Variants in PNLIPRP3 observed in about 807,000 individuals in gnomAD.
The protein encoded by PNLIPRP3 is pancreatic lipase related protein 3, also known as pancreatic lipase-related protein 3.
A neutral mutation model predicts 52.8 loss-of-function variants in PNLIPRP3; 58 were observed. That is an observed-to-expected ratio of 1.10 (90% CI 0.89 to 1.37). PNLIPRP3 has a LOEUF of 1.37. PNLIPRP3 is among the 40% of genes most tolerant of loss of function. The probability of loss-of-function intolerance (pLI) is 0.00; values close to 1 mark genes in which losing one functional copy is unlikely to be tolerated. For missense variants in PNLIPRP3, 593 were observed against 561.6 expected, an observed-to-expected ratio of 1.06 and a Z score of -0.57; for synonymous variants, 192 against 185.0, an observed-to-expected ratio of 1.04 and a Z score of -0.31.
intron 4 of PNLIPRP3, among the ~76,000 whole-genome samples, chr10:116,455,286 A>G (rs1846095504): frequency 6.6e-6 from 1 of 152,214 alleles, no homozygotes; most frequent in South Asian, 2.1e-4. Context: ...TTTAAAACCA[A>G]AGTTATCCCA....
intron 4 of PNLIPRP3, among the ~76,000 whole-genome samples, chr10:116,454,119 CT>C (rs529943963): frequency 6.0e-5 from 9 of 149,040 alleles, no homozygotes; most frequent in South Asian, 2.1e-4. Flanking sequence ...TGATCTCATT[CT>C]TTTTTTTTTG....
intron 9 of PNLIPRP3, among the ~76,000 whole-genome samples, chr10:116,469,870 T>A (rs1846339241): frequency 6.6e-6 from 1 of 152,114 alleles, no homozygotes; most frequent in South Asian, 2.1e-4. Flanking sequence ...ATTACCAGAT[T>A]ATTTTTATTT....
chr10:116,451,272 C>G (rs1846033689), intron 4 of PNLIPRP3, among the ~76,000 whole-genome samples: 1 of 152,038 alleles, frequency 6.6e-6, no homozygotes, highest in Non-Finnish European at 1.5e-5. Context: ...CACACACACA[C>G]AAATCAATTT....
In PNLIPRP3 at chr10:116,469,183, A is replaced by T. The variant is rs747576290; in HGVS notation, c.928-2A>T. On this transcript the variant is annotated splice_acceptor_variant, in intron 8 of 11. Transcript: ENST00000369230. LOFTEE classifies it high-confidence loss of function. The stretch of plus-strand genomic sequence containing the variant: ...TAATCACCTTTCATTTTCTGTCATC[A>T]GGGAAATTGCTTCTTTTGTTCCAAA... The T allele has an allele frequency of 3.8e-5, 61 of 1,609,954 alleles. 1 individual carries two copies. In the South Asian group the frequency reaches 6.4e-4, roughly 17 times the overall value.
intron 4 of PNLIPRP3, among the ~76,000 whole-genome samples, chr10:116,450,133 A>G (rs1453819833): frequency 6.6e-6 from 1 of 152,216 alleles, no homozygotes; most frequent in Non-Finnish European, 1.5e-5. Context: ...ATAAACACCT[A>G]AATTTAAAAA....
intron 4 of PNLIPRP3, among the ~76,000 whole-genome samples, chr10:116,445,785 C>T (rs766068125): frequency 6.6e-6 from 1 of 152,118 alleles, no homozygotes; most frequent in African/African-American, 2.4e-5. Flanking sequence ...GGCTCCAGGG[C>T]CTCTGGGGAT....
intron 3 of PNLIPRP3, among the ~76,000 whole-genome samples, 188 bp downstream of exon 3, chr10:116,443,362 C>T (rs1845885646): frequency 6.6e-6 from 1 of 152,056 alleles, no homozygotes; most frequent in South Asian, 2.1e-4. Flanking sequence ...GCACAGATTA[C>T]AAGGGAAGCA....
At chr10:116,433,114 CAAA>C (rs71010080) in intron 1 of PNLIPRP3, among the ~76,000 whole-genome samples, 6 of 8,496 alleles carry the variant, frequency 7.1e-4, no homozygotes, top group Admixed American at 3.2e-3. Flanking sequence ...AACTCCATCT[CAAA>C]AAAAAAAAAA....
chr10:116,438,640 G>T (rs1417534703), intron 2 of PNLIPRP3, among the ~76,000 whole-genome samples: 1 of 152,140 alleles, frequency 6.6e-6, no homozygotes, highest in Non-Finnish European at 1.5e-5. Context: ...CCTGAATTTT[G>T]TAATGGATAG....
At chr10:116,456,137 G>A (rs7090468) in intron 5 of PNLIPRP3, among the ~76,000 whole-genome samples, 139,820 of 152,160 alleles carry the variant, frequency 0.92, 64,954 homozygotes, top group Non-Finnish European at 1. Flanking sequence ...AATGCAAAGA[G>A]TGAGGTTTAC....
chr10:116,439,968 T>C (rs1845833668), intron 2 of PNLIPRP3: 1 of 839,514 alleles, frequency 1.2e-6, no homozygotes, highest in Non-Finnish European at 2.1e-6. Context: ...TCTTCTTATG[T>C]TCTTCTCTGC....
intron 4 of PNLIPRP3, 54 bp downstream of exon 4, chr10:116,444,567 A>C (rs1373170407): frequency 2.6e-6 from 4 of 1,528,808 alleles, no homozygotes; most frequent in Non-Finnish European, 3.6e-6. Context: ...GGATATTAAC[A>C]CTCAGAAGTT....
chr10:116,438,291 G>C (rs2133114420), intron 2 of PNLIPRP3, among the ~76,000 whole-genome samples: 1 of 152,256 alleles, frequency 6.6e-6, no homozygotes, highest in South Asian at 2.1e-4. Flanking sequence ...GGAGTGGTTG[G>C]AGGATCTATA....
chr10:116,440,284 A>G (rs2116287), intron 2 of PNLIPRP3, among the ~76,000 whole-genome samples: 127,285 of 152,016 alleles, frequency 0.84, 55,338 homozygotes, highest in South Asian at 0.97. Context: ...TCAGTAAAAC[A>G]GAAGGTGATA....
chr10:116,431,413 A>G (rs948935220), intron 1 of PNLIPRP3, among the ~76,000 whole-genome samples: 65 of 152,050 alleles, frequency 4.3e-4, no homozygotes, highest in African/African-American at 1.5e-3. Context: ...ACCTACCCCT[A>G]TTCAAACTCC....
intron 2 of PNLIPRP3, among the ~76,000 whole-genome samples, chr10:116,441,022 C>G (rs776324052): frequency 6.6e-6 from 1 of 152,140 alleles, no homozygotes; most frequent in Non-Finnish European, 1.5e-5. Flanking sequence ...CTCTCGATAA[C>G]CTATTCTGTA....
At chr10:116,448,570 G>A (rs1364359568) in intron 4 of PNLIPRP3, among the ~76,000 whole-genome samples, 7 of 152,202 alleles carry the variant, frequency 4.6e-5, no homozygotes, top group African/African-American at 1.4e-4. Context: ...ATAGTGGTCC[G>A]ATGTGGTGGC....
intron 9 of PNLIPRP3, among the ~76,000 whole-genome samples, chr10:116,470,447 G>A (rs1208748981): frequency 6.6e-6 from 1 of 151,874 alleles, no homozygotes; most frequent in Non-Finnish European, 1.5e-5. Flanking sequence ...CGTTAAAAGA[G>A]CCAAGGAAAG....
At chr10:116,462,444 G>A (rs904515011) in intron 7 of PNLIPRP3, among the ~76,000 whole-genome samples, 2 of 151,884 alleles carry the variant, frequency 1.3e-5, no homozygotes, top group East Asian at 3.9e-4. Context: ...TTTGGCTGTT[G>A]TAGAGGAAAG....
Sources: allele counts gnomAD v4.1 joint callset (sites outside exome capture counted in the v4.1 genomes callset), GRCh38; gene constraint gnomAD v4.1.1; transcripts MANE v1.5; gene names NCBI Gene and HGNC (gene_info 2026-07-23, HGNC 2026-07-21).